The following AP2B1 variants were observed in gnomAD, a reference collection of about 807,000 sequenced individuals.
The protein encoded by AP2B1 is AP-2 complex subunit beta.
AP2B1 carries 23 observed loss-of-function variants against 102.0 expected under a neutral mutation model. The ratio of observed to expected loss-of-function variants is 0.23; its 90% CI spans 0.16 to 0.32. The LOEUF is 0.32. Ranked by LOEUF, AP2B1 falls within the 10% of genes least tolerant of loss-of-function variation. The pLI is 1.00. For synonymous variants in AP2B1, 381 were observed against 421.2 expected (o/e 0.90, Z 1.17); for missense variants, 541 against 1,157.4 (o/e 0.47, Z 7.73).
chr17:35,695,233 G>C (rs1248053647), intron 18 of AP2B1, among the ~76,000 whole-genome samples: 6 of 152,090 alleles, frequency 3.9e-5, no homozygotes, highest in Non-Finnish European at 8.8e-5. Context: ...GAGTAACTGG[G>C]TTGATCAATA....
chr17:35,710,194 C>A, intron 19 of AP2B1, 40 bp from the exon 20 acceptor site: 1 of 1,409,420 alleles, frequency 7.1e-7, no homozygotes, highest in Non-Finnish European at 1.0e-6. Context: ...ATACTGACAG[C>A]TTATGCACAT....
rs115408427 is a variant in AP2B1 at position 35,694,577 on chromosome 17, G to C, written c.2454+11753G>C. ...CACCCAGCCTAAATGTATTTTTAAA[G>C]TTTAACAGTAAACCCAGGCTGAGCG... On this transcript the variant is annotated intron_variant, in intron 18 of 21. Transcript: ENST00000610402. Among the ~76,000 whole-genome samples, 1,294 of 151,852 alleles carry C rather than the reference G, an allele frequency of 8.5e-3. 11 individuals are homozygous for C. Among genetic ancestry groups the C allele is most frequent in the African/African-American group, 0.026 (1,070 of 41,476 alleles).
chr17:35,640,246 T>TTA (rs2074739898), intron 11 of AP2B1, among the ~76,000 whole-genome samples: 2 of 30,870 alleles, frequency 6.5e-5, no homozygotes, highest in African/African-American at 3.2e-4. Flanking sequence ...TTTTTTTTTT[T>TTA]TTTTTTTTTG....
In AP2B1 at chr17:35,610,020, G is replaced by A. The variant is rs796515395; in HGVS notation, c.525+1633G>A. On this transcript the variant is annotated intron_variant, in intron 5 of 21. Coordinates refer to ENST00000610402, the MANE Select transcript of AP2B1 (RefSeq NM_001030006.2). The stretch of plus-strand genomic sequence containing the variant: ...TTTCAACCTAGGCATAAGGGTGGGC[G>A]TCGGTGTGGGTGTGGAAGTGCAGAT... Among the ~76,000 whole-genome samples the A allele has an allele frequency of 7.2e-5, 11 of 152,306 alleles. No homozygotes were observed. In the East Asian group the frequency reaches 1.7e-3, roughly 24 times the overall value.
At chr17:35,593,310 T>C (rs2073160450) in intron 1 of AP2B1, among the ~76,000 whole-genome samples, 1 of 152,304 alleles carries the variant, frequency 6.6e-6, no homozygotes, top group African/African-American at 2.4e-5. Flanking sequence ...TTGAATTGTT[T>C]ATAATACAAA....
At chr17:35,719,874 G>A (rs2085305017) in intron 21 of AP2B1, among the ~76,000 whole-genome samples, 1 of 152,128 alleles carries the variant, frequency 6.6e-6, no homozygotes, top group Non-Finnish European at 1.5e-5. Context: ...AGCTCTTCCT[G>A]TAAGTGACCT....
intron 17 of AP2B1, among the ~76,000 whole-genome samples, chr17:35,680,686 G>GTTTTTTTTTGGTT (rs2075799059): frequency 6.7e-5 from 4 of 59,926 alleles, no homozygotes; most frequent in African/African-American, 3.0e-4. Context: ...TATGGTTTTG[G>GTTTTTTTTTGGTT]TTTTTTTTTT....
rs556668835 is a variant in AP2B1, at chr17:35,618,193, A to G, written c.526-6204A>G. Among the ~76,000 whole-genome samples the G allele has an allele frequency of 1.6e-3, 246 of 152,334 alleles. 1 individual carries two copies. Among genetic ancestry groups the G allele is most frequent in the Non-Finnish European group, 2.7e-3 (184 of 68,032 alleles). ...TACTTGTTTGACTGGTACTGCAGTC[A>G]TTGTCTCCTTAAGGAGATAATAATG... On this transcript the variant is annotated intron_variant, in intron 5 of 21. Coordinates refer to ENST00000610402, the MANE Select transcript of AP2B1 (RefSeq NM_001030006.2).
intron 4 of AP2B1, among the ~76,000 whole-genome samples, chr17:35,606,467 T>G (rs1411545141): frequency 2.0e-5 from 3 of 152,094 alleles, no homozygotes; most frequent in Non-Finnish European, 4.4e-5. Context: ...CTCGTGCTCC[T>G]AACTTCAAGT....
At chr17:35,680,606 A>G (rs766019699) in intron 17 of AP2B1, among the ~76,000 whole-genome samples, 2 of 151,464 alleles carry the variant, frequency 1.3e-5, no homozygotes, top group African/African-American at 4.9e-5. Context: ...GCTGGGCTCA[A>G]GTGATCCACT....
chr17:35,593,037 G>A (rs2073152484), intron 1 of AP2B1, among the ~76,000 whole-genome samples: 1 of 152,100 alleles, frequency 6.6e-6, no homozygotes, highest in Admixed American at 6.5e-5. Flanking sequence ...TGAGATCCAC[G>A]TTCTTTTGTT....
In AP2B1 at chr17:35,641,953, A is replaced by G; in HGVS notation, c.1514A>G (p.Gln505Arg). The G allele has an allele frequency of 6.2e-7, 1 of 1,612,470 alleles. No homozygotes were observed. The highest frequency in any genetic ancestry group is 8.5e-7 in the Non-Finnish European group (1 of 1,178,674). The change falls in exon 12 of 22, where the codon CAG becomes CGG. Residue 505 changes from glutamine (Q) to arginine (R), a missense_variant. Around this residue, in one of 10 missense-constraint regions of AP2B1, gnomAD observed 106 missense variants for 296.4 expected, o/e 0.36. Coordinates refer to ENST00000610402, the MANE Select transcript of AP2B1 (RefSeq NM_001030006.2). Reference protein sequence around the residue: ...KPSETQELVQQVLSLATQDSD... With the variant: ...KPSETQELVQRVLSLATQDSD... ...TCAGAAACACAGGAGCTAGTCCAGC[A>G]GGTCTTGAGTTTGGCAACACAGGTA... is the stretch of plus-strand genomic sequence containing the variant.
intron 5 of AP2B1, among the ~76,000 whole-genome samples, chr17:35,619,480 T>TA (rs2074112818): frequency 2.7e-5 from 3 of 112,912 alleles, no homozygotes; most frequent in African/African-American, 6.4e-5. Context: ...CTGTTTCTAT[T>TA]TAAAAAAAAA....
At chr17:35,610,907 C>CAA (rs566884121) in intron 5 of AP2B1, among the ~76,000 whole-genome samples, 2,654 of 134,330 alleles carry the variant, frequency 0.02, 81 homozygotes, top group African/African-American at 0.054. Context: ...ACTCTTGTCT[C>CAA]AAAAAAAAAA....
At chr17:35,645,842 T>C (rs1368146661) in intron 12 of AP2B1, among the ~76,000 whole-genome samples, 1 of 152,160 alleles carries the variant, frequency 6.6e-6, no homozygotes, top group Non-Finnish European at 1.5e-5. Context: ...AGACCTAGAC[T>C]CTGTCTCAAA....
intron 21 of AP2B1, 129 bp from the exon 22 acceptor site, chr17:35,723,496 T>G: frequency 1.6e-6 from 1 of 638,008 alleles, no homozygotes; most frequent in South Asian, 1.9e-5. Context: ...AATCTCTTTG[T>G]TTAGCTACTC....
In AP2B1 at chr17:35,674,122, A is replaced by G. The variant is rs1269036696; in HGVS notation, c.2179-54A>G. On this transcript the variant is annotated intron_variant, in intron 16 of 21. Transcript: ENST00000610402. Reference sequence around the variant, plus strand: ...TTGTTTTTTATTTGTTAAAAAATGCATAGCATCAAGATAAATCTTGTCTGA... The same window carrying G: ...TTGTTTTTTATTTGTTAAAAAATGCGTAGCATCAAGATAAATCTTGTCTGA... The G allele has an allele frequency of 2.6e-6, 4 of 1,530,486 alleles. No homozygotes were observed. The Admixed American group carries it at 5.8e-5, about 22-fold the overall frequency. 94.8% of individuals were successfully genotyped at this position (1,530,486 alleles called of 1,614,324 possible). A position where few individuals can be genotyped will look rare whatever the true frequency, so the allele number is the denominator to read the frequency against.
chr17:35,661,923 AT>A (rs1181535358), intron 14 of AP2B1, among the ~76,000 whole-genome samples: 3 of 152,152 alleles, frequency 2.0e-5, no homozygotes, highest in Non-Finnish European at 2.9e-5. Flanking sequence ...CATTAACAGT[AT>A]TTACTTTTGC....
chr17:35,714,764 G>A (rs991526743), intron 20 of AP2B1, among the ~76,000 whole-genome samples: 1 of 152,134 alleles, frequency 6.6e-6, no homozygotes, highest in African/African-American at 2.4e-5. Context: ...CTTGAACGAA[G>A]GGTAACTATA....
Sources: allele counts gnomAD v4.1 joint callset (sites outside exome capture counted in the v4.1 genomes callset), GRCh38; gene constraint gnomAD v4.1.1; regional missense constraint gnomAD v4.1.1; transcripts MANE v1.5; gene names NCBI Gene and HGNC (gene_info 2026-07-23, HGNC 2026-07-21).